The following ZNF624 variants were observed in gnomAD, a reference collection of about 807,000 sequenced individuals.
ZNF624 encodes the protein zinc finger protein 624.
Under a neutral mutation model 74.7 loss-of-function variants are expected in ZNF624, and 43 were observed. The observed-to-expected ratio is 0.58, with a 90% CI of 0.45 to 0.74. ZNF624 has a LOEUF of 0.74. Among genes scored for constraint, ZNF624 ranks in the 30% least tolerant of loss-of-function variants. The pLI is 0.00. For missense variants in ZNF624, 820 were observed against 1,030.0 expected, an observed-to-expected ratio of 0.80 and a Z score of 2.79; for synonymous variants, 331 against 341.3, an observed-to-expected ratio of 0.97 and a Z score of 0.33.
chr17:16,629,942 T>A (rs1239972317), intron 5 of ZNF624, among the ~76,000 whole-genome samples: 2 of 152,140 alleles, frequency 1.3e-5, no homozygotes, highest in Non-Finnish European at 2.9e-5. Context: ...AATTTCAGAG[T>A]CCATAAGTGA....
chr17:16,636,252 G>A (rs140892677), intron 3 of ZNF624, among the ~76,000 whole-genome samples: 197 of 152,314 alleles, frequency 1.3e-3, no homozygotes, highest in African/African-American at 4.6e-3. Flanking sequence ...TAAGTAAAGA[G>A]AAAGAATCAA....
chr17:16,615,956 C>CATATAT (rs56321425), downstream of ZNF624, among the ~76,000 whole-genome samples: 726 of 89,878 alleles, frequency 8.1e-3, 13 homozygotes, highest in Non-Finnish European at 0.012. Flanking sequence ...ATTCCATATA[C>CATATAT]ATATATATAT....
At chr17:16,618,947 T>C (rs1235240446), downstream of ZNF624, among the ~76,000 whole-genome samples, 1 of 152,218 alleles carries the variant, frequency 6.6e-6, no homozygotes, top group Non-Finnish European at 1.5e-5. Context: ...TGATTCTTTA[T>C]TGTGTAAGGG....
intron 3 of ZNF624, among the ~76,000 whole-genome samples, chr17:16,646,353 C>G (rs940829251): frequency 1.9e-4 from 29 of 152,252 alleles, no homozygotes; most frequent in African/African-American, 6.5e-4. Context: ...AAAACTGAAT[C>G]TCAGAATGTA....
At chr17:16,639,108 A>G (rs1909408524) in intron 3 of ZNF624, among the ~76,000 whole-genome samples, 1 of 152,210 alleles carries the variant, frequency 6.6e-6, no homozygotes, top group Non-Finnish European at 1.5e-5. Context: ...CTATATTGAG[A>G]ATTCCAGCTT....
chr17:16,620,974 C>T lies in ZNF624; in HGVS notation c.*1314G>A, dbSNP rs796967188. ...ATTTACATTTTTCTGTTTTTACAGT[C>T]TCCCCTTCCCTTATCTCTACTTCTC... On this transcript the variant is annotated 3_prime_UTR_variant, in exon 6 of 6. Transcript: ENST00000311331. 7.2e-5 allele frequency: 11 copies of T among 152,148 alleles called. No individual in the cohort carries two copies. The highest frequency in any genetic ancestry group is 2.4e-4 in the African/African-American group (10 of 41,512). The allele number at this position is 152,148 out of a possible 1,614,324, so 9.4% of individuals were successfully genotyped here.
intron 3 of ZNF624, among the ~76,000 whole-genome samples, chr17:16,639,190 G>A (rs1045158776): frequency 6.6e-6 from 1 of 152,160 alleles, no homozygotes; most frequent in Non-Finnish European, 1.5e-5. Flanking sequence ...CTCAGGCAAA[G>A]AAGTCAACTT....
intron 3 of ZNF624, among the ~76,000 whole-genome samples, chr17:16,639,934 A>G (rs1417166831): frequency 2.6e-5 from 4 of 152,244 alleles, no homozygotes; most frequent in East Asian, 1.9e-4. Context: ...ACCCATACAC[A>G]GTAAAAAATA....
chr17:16,617,605 T>C, downstream of ZNF624: 1 of 1,590,112 alleles, frequency 6.3e-7, no homozygotes, highest in South Asian at 1.1e-5. Context: ...TGTCTCCGAC[T>C]GCTGTATCCA....
chr17:16,624,782 C>T (rs982751496), intron 5 of ZNF624: 1 of 207,684 alleles, frequency 4.8e-6, no homozygotes, highest in Non-Finnish European at 8.7e-6. Context: ...TTTGGGAGGC[C>T]AAGGTGAGAG....
intron 3 of ZNF624, among the ~76,000 whole-genome samples, chr17:16,646,162 C>T (rs1909589253): frequency 6.6e-6 from 1 of 152,038 alleles, no homozygotes; most frequent in Admixed American, 6.6e-5. Flanking sequence ...CTACCAGGGA[C>T]TCCCTTTGTC....
At chr17:16,626,568 C>T (rs544096451) in intron 5 of ZNF624, among the ~76,000 whole-genome samples, 1 of 151,916 alleles carries the variant, frequency 6.6e-6, no homozygotes, top group South Asian at 2.1e-4. Context: ...GCTTGGGCAA[C>T]ACAGTGAGAC....
intron 5 of ZNF624, among the ~76,000 whole-genome samples, chr17:16,627,093 AAAACATATC>A (rs1477588927): frequency 3.9e-5 from 6 of 152,148 alleles, no homozygotes; most frequent in African/African-American, 1.4e-4. Flanking sequence ...AAAGCTATAT[AAAACATATC>A]TATAGCACCA....
downstream of ZNF624, chr17:16,617,636 G>A: frequency 6.2e-7 from 1 of 1,607,804 alleles, no homozygotes; most frequent in Non-Finnish European, 8.5e-7. Flanking sequence ...GGCGGCTTCC[G>A]TAGCTGTAGC....
At chr17:16,629,160 T>C (rs1014837089) in intron 5 of ZNF624, among the ~76,000 whole-genome samples, 3 of 132,642 alleles carry the variant, frequency 2.3e-5, no homozygotes. Context: ...ATCACGTCAC[T>C]GCACTCCAGC....
rs149146824 is a variant in ZNF624, at chr17:16,624,264, T to C, written c.622A>G (p.Ile208Val). ...GCAATGCCTGGTTCTGGAATAAGAA[T>C]AGATTCAAATCTAAAGCCTCTTTGA... ...TSQRGFRFESILIPEPGIATE... is the reference protein window; with the variant it reads ...TSQRGFRFESVLIPEPGIATE... Residue 208 changes from isoleucine to valine, a missense_variant, in exon 6 of 6, where the codon ATT becomes GTT. Physicochemically the swap from Ile to Val is conservative, Grantham distance 29. Transcript: ENST00000311331. 4.5e-4 allele frequency: 730 copies of C among 1,614,208 alleles called. 1 individual carries two copies. Among genetic ancestry groups the C allele is most frequent in the Middle Eastern group, 6.6e-4 (4 of 6,062 alleles).
chr17:16,619,250 T>C (rs1430947810), downstream of ZNF624, among the ~76,000 whole-genome samples: 3 of 152,288 alleles, frequency 2.0e-5, no homozygotes, highest in African/African-American at 7.2e-5. Context: ...ACACATAAAA[T>C]AGTAGATATG....
intron 3 of ZNF624, 138 bp from the exon 4 acceptor site, chr17:16,634,894 T>A: frequency 4.3e-6 from 3 of 690,534 alleles, no homozygotes; most frequent in Non-Finnish European, 7.0e-6. Context: ...TCATCCTTTA[T>A]AGGATGTATA....
intron 5 of ZNF624, among the ~76,000 whole-genome samples, chr17:16,626,779 G>A (rs891793978): frequency 1.3e-4 from 19 of 151,952 alleles, no homozygotes; most frequent in African/African-American, 4.1e-4. Flanking sequence ...AATGAAGGCC[G>A]GGCACAGTGG....
Sources: allele counts gnomAD v4.1 joint callset (sites outside exome capture counted in the v4.1 genomes callset), GRCh38; gene constraint gnomAD v4.1.1; transcripts MANE v1.5; gene names NCBI Gene and HGNC (gene_info 2026-07-23, HGNC 2026-07-21).